Variants in CACNA1C observed in about 807,000 individuals in gnomAD.
CACNA1C encodes voltage-dependent L-type calcium channel subunit alpha-1C.
CACNA1C carries 30 observed loss-of-function variants against 229.0 expected under a neutral mutation model. The ratio of observed to expected loss-of-function variants is 0.13; its 90% CI spans 0.10 to 0.18. The LOEUF (loss-of-function observed/expected upper bound fraction) is 0.18. Among genes scored for constraint, CACNA1C ranks in the 10% least tolerant of loss-of-function variants. The pLI, the probability that CACNA1C is intolerant of heterozygous loss-of-function variation, is 1.00. For synonymous variants in CACNA1C, 1,114 were observed against 1,132.5 expected (o/e 0.98, Z 0.33); for missense variants, 1,658 against 2,845.0 (o/e 0.58, Z 9.49).
intron 3 of CACNA1C, among the ~76,000 whole-genome samples, chr12:2,425,000 G>C (rs557973700): frequency 2.0e-5 from 3 of 152,382 alleles, no homozygotes; most frequent in African/African-American, 7.2e-5. Context: ...ACTGTGGGAG[G>C]GAAGGAGAGT....
chr12:2,426,467 A>G (rs1263603746), intron 3 of CACNA1C, among the ~76,000 whole-genome samples: 1 of 152,246 alleles, frequency 6.6e-6, no homozygotes, highest in Non-Finnish European at 1.5e-5. Context: ...TAATACAGGT[A>G]AATTCTTACA....
At chr12:2,089,569 G>A (rs1039788923) in intron 1 of CACNA1C, among the ~76,000 whole-genome samples, 2 of 152,120 alleles carry the variant, frequency 1.3e-5, no homozygotes, top group East Asian at 1.9e-4. Context: ...GGGCTCTGCC[G>A]GGCCCATCCG....
At chr12:2,331,363 A>C (rs2096542229) in intron 3 of CACNA1C, among the ~76,000 whole-genome samples, 1 of 152,224 alleles carries the variant, frequency 6.6e-6, no homozygotes, top group Non-Finnish European at 1.5e-5. Flanking sequence ...TGAGTCTAGC[A>C]TCTAGATTTT....
intron 3 of CACNA1C, among the ~76,000 whole-genome samples, chr12:2,232,227 G>GTTTTTTTTTTTTTTT (rs1169407536): frequency 6.9e-4 from 51 of 73,560 alleles, no homozygotes; most frequent in East Asian, 1.0e-3. Flanking sequence ...GTCTTTCCTT[G>GTTTTTTTTTTTTTTT]TTTTTTTTTT....
chr12:2,027,432 G>A (rs1345736701), intron 1 of CACNA1C, among the ~76,000 whole-genome samples: 11 of 152,026 alleles, frequency 7.2e-5, no homozygotes, highest in African/African-American at 1.9e-4. Context: ...GCTGATCCCC[G>A]CAGCTCCTAG....
chr12:2,572,727 TTCCTCTTCCTGCTCCTTC>T (rs1198332260), intron 13 of CACNA1C, among the ~76,000 whole-genome samples: 73 of 95,576 alleles, frequency 7.6e-4, no homozygotes, highest in African/African-American at 2.9e-3. Context: ...CCTCCTCCTC[TTCCTCTTCCTGCTCCTTC>T]TCCTCTTCCT....
intron 5 of CACNA1C, among the ~76,000 whole-genome samples, chr12:2,474,769 A>AAC (rs918920891): frequency 3.3e-5 from 5 of 151,608 alleles, no homozygotes; most frequent in African/African-American, 1.2e-4. Flanking sequence ...AAAAAAAAAA[A>AAC]AAAGAAAGAA....
intron 9 of CACNA1C, among the ~76,000 whole-genome samples, chr12:2,522,526 C>G (rs559280067): frequency 3.3e-5 from 5 of 151,950 alleles, no homozygotes; most frequent in Non-Finnish European, 5.9e-5. Flanking sequence ...GAAAGTGGGC[C>G]GAGAGGAAAG....
intron 3 of CACNA1C, among the ~76,000 whole-genome samples, chr12:2,438,814 G>A (rs546890664): frequency 6.6e-6 from 1 of 152,208 alleles, no homozygotes; most frequent in African/African-American, 2.4e-5. Context: ...TGAGTGGGGA[G>A]AGGCCATGGG....
intron 3 of CACNA1C, among the ~76,000 whole-genome samples, chr12:2,182,202 A>G (rs905867083): frequency 2.0e-5 from 3 of 151,964 alleles, no homozygotes; most frequent in Non-Finnish European, 2.9e-5. Flanking sequence ...AGTAATATTC[A>G]AGCAAGAACA....
chr12:2,354,688 T>C lies in CACNA1C; in HGVS notation c.478-94288T>C, dbSNP rs1007220208. Among the ~76,000 whole-genome samples the C allele has an allele frequency of 3.3e-5, 5 of 152,138 alleles. No individual in the cohort carries two copies. The highest frequency in any genetic ancestry group is 1.2e-4 in the African/African-American group (5 of 41,416). ...ACACTCCTGACCACAGACTGGCTTGTAATTTGGCTTTTCTGAGCATGGCAA... is the reference window on the plus strand; with the variant it reads ...ACACTCCTGACCACAGACTGGCTTGCAATTTGGCTTTTCTGAGCATGGCAA... On this transcript the variant is annotated intron_variant, in intron 3 of 46. Coordinates refer to ENST00000399655, the MANE Select transcript of CACNA1C (RefSeq NM_000719.7). The surrounding 1 kb of genome is among the most constrained non-coding windows in gnomAD (Gnocchi z 4.6).
intron 3 of CACNA1C, among the ~76,000 whole-genome samples, chr12:2,274,330 T>C (rs1216861721): frequency 1.3e-5 from 2 of 152,202 alleles, no homozygotes; most frequent in Non-Finnish European, 2.9e-5. Flanking sequence ...TACCTGCTGA[T>C]GTTTCTGAGC....
chr12:2,546,874 A>G (rs1463395156), intron 9 of CACNA1C, among the ~76,000 whole-genome samples: 2 of 152,246 alleles, frequency 1.3e-5, no homozygotes, highest in Non-Finnish European at 2.9e-5. Context: ...CTGAACAAGG[A>G]GCAAGTAGGT....
intron 1 of CACNA1C, among the ~76,000 whole-genome samples, chr12:2,013,100 T>C (rs1040195406): frequency 6.6e-6 from 1 of 152,222 alleles, no homozygotes; most frequent in African/African-American, 2.4e-5. Context: ...ATTGCAAGCA[T>C]GAGCTCTGCA....
At chr12:2,399,128 A>C (rs1424046026) in intron 3 of CACNA1C, among the ~76,000 whole-genome samples, 1 of 152,164 alleles carries the variant, frequency 6.6e-6, no homozygotes, top group Non-Finnish European at 1.5e-5. Context: ...GAGTGGGTGC[A>C]GGAGGCAGGG....
chr12:2,136,147 G>A lies in CACNA1C; in HGVS notation c.477+15717G>A, dbSNP rs1169559765. Among the ~76,000 whole-genome samples the A allele has an allele frequency of 2.0e-5, 3 of 151,438 alleles. 1 individual carries two copies. The highest frequency in any genetic ancestry group is 4.4e-5 in the Non-Finnish European group (3 of 67,676). On this transcript the variant is annotated intron_variant, in intron 3 of 46. Coordinates refer to ENST00000399655, the MANE Select transcript of CACNA1C (RefSeq NM_000719.7). ...GCTTGCGCTTCCCAGGTGAGGCAAT[G>A]CCTCGCCCTGCTTTGGCTCGCGCAC...
Position 2,115,565 on chromosome 12 carries a change from C to A in CACNA1C, c.371+20C>A. 1 of 1,611,180 alleles carries A rather than the reference C, an allele frequency of 6.2e-7. No individual in the cohort carries two copies. Among genetic ancestry groups the A allele is most frequent in the Non-Finnish European group, 8.5e-7 (1 of 1,178,536 alleles). ...ATGGAAATATCCTTTGTTCACCGGG[C>A]TGGGCATGCTCCTGGGACCTGCACG... On this transcript the variant is annotated intron_variant, in intron 2 of 46. Coordinates refer to ENST00000399655, the MANE Select transcript of CACNA1C (RefSeq NM_000719.7).
intron 1 of CACNA1C, among the ~76,000 whole-genome samples, chr12:2,017,622 T>C (rs994669185): frequency 6.6e-5 from 10 of 151,804 alleles, no homozygotes; most frequent in African/African-American, 2.4e-4. Flanking sequence ...CTAAACATGG[T>C]GATGTAAGCA....
rs1479658533 is a variant in CACNA1C at position 2,666,865 on chromosome 12, G to T, written c.4623+83G>T. The T allele has an allele frequency of 4.9e-6, 4 of 814,122 alleles. No homozygotes were observed. The highest frequency in any genetic ancestry group is 5.3e-5 in the East Asian group (2 of 37,578). 50.4% of individuals were successfully genotyped at this position (814,122 alleles called of 1,614,324 possible). On this transcript the variant is annotated intron_variant, in intron 37 of 46. Transcript: ENST00000399655. The surrounding 1 kb of genome is among the most constrained non-coding windows in gnomAD (Gnocchi z 5.3). ...ATTTCTTGTGATCCTTTAAGGGAATGAACATACTAGTTTATGTGCCTAAAG... is the reference window on the plus strand; with the variant it reads ...ATTTCTTGTGATCCTTTAAGGGAATTAACATACTAGTTTATGTGCCTAAAG...
Sources: allele counts gnomAD v4.1 joint callset (sites outside exome capture counted in the v4.1 genomes callset), GRCh38; gene constraint gnomAD v4.1.1; non-coding constraint Gnocchi (gnomAD v3.1); transcripts MANE v1.5; gene names NCBI Gene and HGNC (gene_info 2026-07-23, HGNC 2026-07-21).